ARHGAP32: variants seen among roughly 807,000 people sequenced by gnomAD.
The protein encoded by ARHGAP32 is rho GTPase-activating protein 32.
Under a neutral mutation model 186.5 loss-of-function variants are expected in ARHGAP32, and 51 were observed. The observed-to-expected ratio is 0.27, with a 90% CI of 0.22 to 0.35. The LOEUF (loss-of-function observed/expected upper bound fraction) is 0.35, where lower values mean the gene tolerates loss of function less well. ARHGAP32 is among the 10% of genes least tolerant of loss of function. The pLI is 1.00. For synonymous variants in ARHGAP32, 950 were observed against 964.3 expected (o/e 0.99, Z 0.27); for missense variants, 2,186 against 2,623.5 (o/e 0.83, Z 3.64).
intron 1 of ARHGAP32, among the ~76,000 whole-genome samples, chr11:129,259,724 G>C (rs1433589240): frequency 3.3e-5 from 5 of 152,118 alleles, no homozygotes; most frequent in Non-Finnish European, 5.9e-5. Flanking sequence ...TGCATAAAAT[G>C]GCAGTAATTA....
chr11:128,974,240 G>T lies in ARHGAP32; in HGVS notation c.2957C>A (p.Ser986Tyr), dbSNP rs367977371. 1.0e-4 allele frequency: 168 copies of T among 1,614,062 alleles called. 1 individual carries two copies. The highest frequency in any genetic ancestry group is 3.2e-4 in the Admixed American group (19 of 60,002). ...CACCTGGTCCAGGGGCTGGACTTCA[G>T]ATTCATATGCTTCTTGGGCAACTGT... Reference protein sequence around the residue: ...NETVAQEAYESEVQPLDQVAA... With the variant: ...NETVAQEAYEYEVQPLDQVAA... The change falls in exon 21 of 23, where the codon TCT becomes TAT. Residue 986 changes from serine (S) to tyrosine (Y), a missense_variant. Physicochemically the swap from Ser to Tyr is moderately radical, Grantham distance 144. Around this residue, in one of 5 missense-constraint regions of ARHGAP32, gnomAD observed 1,502 missense variants for 1,570.0 expected, o/e 0.96. Coordinates refer to ENST00000682385, the MANE Select transcript of ARHGAP32 (RefSeq NM_001378024.1).
chr11:129,127,752 ATATT>A (rs1164284114), intron 2 of ARHGAP32, among the ~76,000 whole-genome samples: 5 of 137,746 alleles, frequency 3.6e-5, no homozygotes, highest in African/African-American at 1.4e-4. Context: ...TCATTAACTG[ATATT>A]TATTCATAAA....
intron 2 of ARHGAP32, among the ~76,000 whole-genome samples, chr11:129,139,344 T>C (rs931587057): frequency 2.0e-5 from 3 of 152,196 alleles, no homozygotes; most frequent in Non-Finnish European, 4.4e-5. Context: ...TTATCAACAT[T>C]TTCATTTAAC....
intron 11 of ARHGAP32, among the ~76,000 whole-genome samples, chr11:129,025,369 TAGTCCACA>T (rs1410603921): frequency 2.0e-5 from 3 of 152,178 alleles, no homozygotes; most frequent in Non-Finnish European, 4.4e-5. Context: ...TGATAAATGG[TAGTCCACA>T]ATAAAAAACA....
At chr11:129,092,383 G>A (rs746026288) in intron 6 of ARHGAP32, among the ~76,000 whole-genome samples, 2 of 151,772 alleles carry the variant, frequency 1.3e-5, no homozygotes, top group Non-Finnish European at 3.0e-5. Flanking sequence ...ACATACCAAC[G>A]ATGTACTCTA....
chr11:129,119,408 TTATCA>T (rs1189736855), intron 5 of ARHGAP32, among the ~76,000 whole-genome samples: 2 of 152,148 alleles, frequency 1.3e-5, no homozygotes, highest in South Asian at 2.1e-4. Context: ...ATATATATTC[TTATCA>T]TATAAGAACA....
At chr11:129,042,077 T>C (rs900831353) in intron 10 of ARHGAP32, among the ~76,000 whole-genome samples, 25 of 152,254 alleles carry the variant, frequency 1.6e-4, no homozygotes, top group Admixed American at 1.4e-3. Flanking sequence ...CCATATTCTA[T>C]GGTAGTTGTT....
At chr11:128,999,965 T>C (rs2134745062) in intron 11 of ARHGAP32, among the ~76,000 whole-genome samples, 1 of 152,366 alleles carries the variant, frequency 6.6e-6, no homozygotes, top group East Asian at 1.9e-4. Context: ...GCATTTCTTG[T>C]CAATTTTTAA....
intron 5 of ARHGAP32, among the ~76,000 whole-genome samples, chr11:129,103,870 T>C (rs1369358995): frequency 6.6e-6 from 1 of 152,066 alleles, no homozygotes; most frequent in Non-Finnish European, 1.5e-5. Flanking sequence ...AGTAGACTAG[T>C]CCAACCAAAA....
intron 5 of ARHGAP32, among the ~76,000 whole-genome samples, chr11:129,106,741 A>G (rs1942058796): frequency 6.6e-6 from 1 of 152,200 alleles, no homozygotes; most frequent in East Asian, 1.9e-4. Flanking sequence ...GATCAAGAAG[A>G]AGAAAGAATC....
In ARHGAP32 at chr11:129,229,872, G is replaced by C. The variant is rs191284195; in HGVS notation, c.-5+49274C>G. On this transcript the variant is annotated intron_variant, in intron 1 of 6. Coordinates refer to the ARHGAP32 transcript ENST00000525234. ...GGTCTCACTCACCCAAGCTGCAGTA[G>C]AGTGGCGCGATCCCCTCACTGCAGC... is the stretch of plus-strand genomic sequence containing the variant. 1.5e-3 allele frequency among the ~76,000 whole-genome samples: 232 copies of C among 152,112 alleles called. 1 individual carries two copies. The highest frequency in any genetic ancestry group is 7.7e-4 in the East Asian group (4 of 5,174).
chr11:129,189,304 G>C (rs774827343), intron 1 of ARHGAP32, among the ~76,000 whole-genome samples: 1 of 152,036 alleles, frequency 6.6e-6, no homozygotes. Context: ...TGACAAATGT[G>C]GGCTGTGTGA....
chr11:129,256,345 T>C (rs576155544), intron 1 of ARHGAP32, among the ~76,000 whole-genome samples: 95 of 152,226 alleles, frequency 6.2e-4, no homozygotes, highest in South Asian at 6.0e-3. Context: ...AATTCTGGTA[T>C]GGAGGGAGAT....
chr11:129,064,272 A>G (rs1190212044), intron 8 of ARHGAP32, among the ~76,000 whole-genome samples: 1 of 152,168 alleles, frequency 6.6e-6, no homozygotes, highest in Non-Finnish European at 1.5e-5. Flanking sequence ...GTGAGATGCT[A>G]AAGATGAAAG....
At position 129,066,755 on chromosome 11, in the gene ARHGAP32, A is replaced by G; in HGVS notation, c.645T>C (p.Ser215=). ...CCTCTGGACTGTCCTTCAGGGTGTC[A>G]GAACGGGGAAGTTCTGAGAGCTGGG... ...RFSQLSELPR[S]DTLKDSPESV... Residue 215 remains serine (S), a synonymous_variant, in exon 7 of 23, where the codon TCT becomes TCC. Transcript: ENST00000682385. 1 of 1,612,432 alleles carries G rather than the reference A, an allele frequency of 6.2e-7. No individual in the cohort carries two copies.
At chr11:129,229,914 T>C (rs1379717629) in intron 1 of ARHGAP32, among the ~76,000 whole-genome samples, 1 of 152,032 alleles carries the variant, frequency 6.6e-6, no homozygotes. Context: ...CTTCTCCGAC[T>C]CAAGTGATCT....
chr11:129,045,078 C>T (rs539775), intron 10 of ARHGAP32, among the ~76,000 whole-genome samples: 18,557 of 152,124 alleles, frequency 0.12, 1,301 homozygotes, highest in Non-Finnish European at 0.15. Flanking sequence ...AGTAGGCTCA[C>T]CTAATACCTA....
At chr11:129,193,579 TA>T (rs1944323621), upstream of ARHGAP32, among the ~76,000 whole-genome samples, 1 of 59,560 alleles carries the variant, frequency 1.7e-5, no homozygotes, top group African/African-American at 6.8e-5. Context: ...AATATATATA[TA>T]TTATATAATA....
At chr11:128,998,200 T>A (rs570478638) in intron 12 of ARHGAP32, 119 bp downstream of exon 12, 2 of 793,940 alleles carry the variant, frequency 2.5e-6, no homozygotes, top group East Asian at 5.8e-5. Context: ...GCTTAGTACA[T>A]GCATTGAACT....
Sources: gnomAD v4.1 joint callset for allele counts (sites outside exome capture counted in the v4.1 genomes callset) on GRCh38, gnomAD v4.1.1 for gene constraint, gnomAD v4.1.1 regional missense constraint, MANE v1.5 for transcripts, NCBI Gene and HGNC (gene_info 2026-07-23, HGNC 2026-07-21) for gene names.